ARHGAP35: variants seen among roughly 807,000 people sequenced by gnomAD.
The protein encoded by ARHGAP35 is Rho GTPase activating protein 35.
Under a neutral mutation model 111.1 loss-of-function variants are expected in ARHGAP35, and 15 were observed. That is an observed-to-expected ratio of 0.13 (90% CI 0.09 to 0.21). The LOEUF is 0.21. ARHGAP35 is among the 10% of genes least tolerant of loss of function. The pLI, the probability that ARHGAP35 is intolerant of heterozygous loss-of-function variation, is 1.00. For synonymous variants in ARHGAP35, 643 were observed against 710.3 expected (o/e 0.91, Z 1.51); for missense variants, 1,262 against 1,873.0 (o/e 0.67, Z 6.02).
At chr19:46,900,578 G>T (rs910952040) in intron 1 of ARHGAP35, among the ~76,000 whole-genome samples, 7 of 152,130 alleles carry the variant, frequency 4.6e-5, no homozygotes, top group African/African-American at 1.7e-4. Context: ...ATAACTTGAG[G>T]TAATACTTAA....
intron 1 of ARHGAP35, among the ~76,000 whole-genome samples, chr19:46,904,539 C>G (rs1365564989): frequency 6.6e-6 from 1 of 152,200 alleles, no homozygotes; most frequent in Non-Finnish European, 1.5e-5. Flanking sequence ...CTGTGAGCCA[C>G]CATGAAATTA....
At chr19:46,917,893 T>A (rs2056173028) in intron 1 of ARHGAP35, among the ~76,000 whole-genome samples, 1 of 152,128 alleles carries the variant, frequency 6.6e-6, no homozygotes, top group Non-Finnish European at 1.5e-5. Flanking sequence ...TTTGTATTTT[T>A]AGTACAGACG....
At chr19:46,865,845 C>T (rs865988717) in intron 1 of ARHGAP35, among the ~76,000 whole-genome samples, 10 of 152,200 alleles carry the variant, frequency 6.6e-5, no homozygotes, top group Middle Eastern at 3.4e-3. Context: ...ACACAGTAAT[C>T]GTGACTTTTT....
chr19:46,940,396 C>A (rs200081670), intron 3 of ARHGAP35, among the ~76,000 whole-genome samples: 1 of 149,772 alleles, frequency 6.7e-6, no homozygotes, highest in South Asian at 2.1e-4. Flanking sequence ...GGCATGGTGG[C>A]ACGCACCTGT....
chr19:46,917,193 G>A, intron 1 of ARHGAP35, among the ~76,000 whole-genome samples: 1 of 152,082 alleles, frequency 6.6e-6, no homozygotes, highest in East Asian at 1.9e-4. Flanking sequence ...GTCTCTATGA[G>A]TTTGACTACT....
rs2056743321 is a variant in ARHGAP35, at chr19:47,000,727, C to G, written c.*39C>G. On this transcript the variant is annotated 3_prime_UTR_variant, in exon 7 of 7. Coordinates refer to ENST00000672722, the MANE Select transcript of ARHGAP35 (RefSeq NM_004491.5). The surrounding 1 kb of genome is among the most constrained non-coding windows in gnomAD (Gnocchi z 6.9). The stretch of plus-strand genomic sequence containing the variant: ...GGGGCGACAGGAGAACCGGTCCTCT[C>G]TCTGACGGGGTGGCATTTGGCCTTG... 1.3e-6 allele frequency: 2 copies of G among 1,530,862 alleles called. No homozygotes were observed. The highest frequency in any genetic ancestry group is 4.1e-5 in the Admixed American group (2 of 49,330). 94.8% of individuals were successfully genotyped at this position (1,530,862 alleles called of 1,614,324 possible).
chr19:46,996,356 G>A (rs566063844), intron 5 of ARHGAP35, among the ~76,000 whole-genome samples: 3 of 152,246 alleles, frequency 2.0e-5, no homozygotes, highest in African/African-American at 7.2e-5. Flanking sequence ...ACCCACCTCA[G>A]CCTCCCAAGT....
Position 47,000,976 on chromosome 19 carries a change from G to A in ARHGAP35, c.*288G>A, listed in dbSNP as rs1487343032. ...TCTGTTCCCTGGACCACCACCCCAC[G>A]TAGCTGCTCACACCAGCCTCCGGGT... is the stretch of plus-strand genomic sequence containing the variant. On this transcript the variant is annotated 3_prime_UTR_variant, in exon 7 of 7. Coordinates refer to ENST00000672722, the MANE Select transcript of ARHGAP35 (RefSeq NM_004491.5). The surrounding 1 kb of genome is among the most constrained non-coding windows in gnomAD (Gnocchi z 6.9). 8.6e-6 allele frequency: 13 copies of A among 1,503,192 alleles called. 1 individual carries two copies. The highest frequency in any genetic ancestry group is 2.4e-5 in the South Asian group (2 of 82,932). The allele number at this position is 1,503,192 out of a possible 1,614,324, so 93.1% of individuals were successfully genotyped here. A position where few individuals can be genotyped will look rare whatever the true frequency, so the allele number is the denominator to read the frequency against.
intron 3 of ARHGAP35, among the ~76,000 whole-genome samples, chr19:46,977,178 A>G (rs1028786892): frequency 3.3e-5 from 5 of 152,224 alleles, no homozygotes; most frequent in Non-Finnish European, 5.9e-5. Flanking sequence ...ACTCCCAGCC[A>G]CAGCCAAACC....
chr19:46,910,748 G>C (rs902694682), intron 1 of ARHGAP35, among the ~76,000 whole-genome samples: 2 of 151,868 alleles, frequency 1.3e-5, no homozygotes, highest in African/African-American at 4.8e-5. Flanking sequence ...CATCACCACA[G>C]CCAGCTAATT....
intron 3 of ARHGAP35, among the ~76,000 whole-genome samples, chr19:46,953,193 G>A (rs116030926): frequency 4.9e-4 from 74 of 152,236 alleles, no homozygotes; most frequent in Non-Finnish European, 2.8e-4. Context: ...ATTATAACCC[G>A]GGGGGAGACA....
intron 1 of ARHGAP35, among the ~76,000 whole-genome samples, chr19:46,914,803 T>C (rs927249254): frequency 2.0e-5 from 3 of 152,230 alleles, no homozygotes; most frequent in African/African-American, 4.8e-5. Flanking sequence ...GCTGGTGTTT[T>C]GTTCTGTTTT....
intron 1 of ARHGAP35, among the ~76,000 whole-genome samples, chr19:46,861,622 C>T (rs560582118): frequency 1.3e-5 from 2 of 151,904 alleles, no homozygotes; most frequent in East Asian, 3.9e-4. Context: ...GACCCATCTT[C>T]TCCTCATTGA....
intron 3 of ARHGAP35, among the ~76,000 whole-genome samples, chr19:46,944,957 T>C (rs2056370037): frequency 6.6e-6 from 1 of 152,214 alleles, no homozygotes; most frequent in African/African-American, 2.4e-5. Flanking sequence ...AATCAGAATG[T>C]GGTCAAGAAA....
At chr19:46,928,513 A>G (rs1457588562) in intron 2 of ARHGAP35, among the ~76,000 whole-genome samples, 1 of 152,132 alleles carries the variant, frequency 6.6e-6, no homozygotes, top group East Asian at 1.9e-4. Context: ...GCAAGTGTTC[A>G]TGAAAATGTA....
intron 3 of ARHGAP35, among the ~76,000 whole-genome samples, chr19:46,975,480 T>C (rs2056575047): frequency 6.6e-6 from 1 of 152,180 alleles, no homozygotes; most frequent in South Asian, 2.1e-4. Flanking sequence ...ATCCTGGGCC[T>C]GTGTGGGGCT....
intron 3 of ARHGAP35, among the ~76,000 whole-genome samples, chr19:46,957,588 G>A (rs751155324): frequency 3.3e-5 from 5 of 152,082 alleles, no homozygotes; most frequent in Non-Finnish European, 7.4e-5. Flanking sequence ...ATTCCAGACC[G>A]GCAATAGAGT....
chr19:46,912,802 C>T (rs2056144949), intron 1 of ARHGAP35, among the ~76,000 whole-genome samples: 1 of 151,882 alleles, frequency 6.6e-6, no homozygotes. Flanking sequence ...CCCCTCCCAC[C>T]CCCCAACTGA....
At chr19:46,878,197 AT>A (rs1386819550) in intron 1 of ARHGAP35, among the ~76,000 whole-genome samples, 1 of 151,778 alleles carries the variant, frequency 6.6e-6, no homozygotes, top group Non-Finnish European at 1.5e-5. Flanking sequence ...AATGTTTTGT[AT>A]TTTTAGTAAA....
Sources: allele counts gnomAD v4.1 joint callset (sites outside exome capture counted in the v4.1 genomes callset), GRCh38; gene constraint gnomAD v4.1.1; non-coding constraint Gnocchi (gnomAD v3.1); transcripts MANE v1.5; gene names NCBI Gene and HGNC (gene_info 2026-07-23, HGNC 2026-07-21).